Variants in USP29 observed in about 807,000 individuals in gnomAD.
USP29 encodes the protein ubiquitin specific peptidase 29.
For missense variants in USP29, 1,102 were observed against 1,069.0 expected, an observed-to-expected ratio of 1.03 and a Z score of -0.43; for synonymous variants, 386 against 387.4, an observed-to-expected ratio of 1.00 and a Z score of 0.04.
chr19:57,130,837 A>G lies in USP29; in HGVS notation c.2162A>G (p.Asn721Ser), dbSNP rs138717497. The G allele has an allele frequency of 2.0e-5, 32 of 1,614,220 alleles. No homozygotes were observed. The African/African-American group carries it at 2.1e-4, about 11-fold the overall frequency. ...AATGGCTTTTATGACTGTAAAGAAA[A>G]CAGGATTCCAGAAGGATCTCAAGGA... ...STNGFYDCKENRIPEGSQGMA... is the reference protein window; with the variant it reads ...STNGFYDCKESRIPEGSQGMA... The change falls in exon 4 of 4, where the codon AAC becomes AGC. Residue 721 changes from asparagine to serine, a missense_variant. Coordinates refer to ENST00000254181, the MANE Select transcript of USP29 (RefSeq NM_020903.3).
rs149510950 is a variant in USP29, at chr19:57,120,394, G to A, written c.-268+165G>A. On this transcript the variant is annotated intron_variant, in intron 1 of 3. Coordinates refer to ENST00000254181, the MANE Select transcript of USP29 (RefSeq NM_020903.3). The stretch of plus-strand genomic sequence containing the variant: ...GATAGTCAGGAGGCAGAGGTTGGAG[G>A]ATGACTTGAGCCTTGGGGATCGAGG... The A allele has an allele frequency of 5.9e-3, 899 of 152,480 alleles. 5 individuals are homozygous for A. Among genetic ancestry groups the A allele is most frequent in the Middle Eastern group, 0.023 (7 of 298 alleles). The allele number at this position is 152,480 out of a possible 1,614,324, so 9.4% of individuals were successfully genotyped here. A position where few individuals can be genotyped will look rare whatever the true frequency, so the allele number is the denominator to read the frequency against.
Position 57,130,162 on chromosome 19 carries a change from C to T in USP29, c.1487C>T (p.Ala496Val), listed in dbSNP as rs761842135. 3.7e-6 allele frequency: 6 copies of T among 1,614,044 alleles called. No homozygotes were observed. The highest frequency in any genetic ancestry group is 5.1e-6 in the Non-Finnish European group (6 of 1,180,014). The change falls in exon 4 of 4, where the codon GCA (alanine) becomes GTA (valine). Residue 496 changes from alanine (A) to valine (V), a missense_variant. Ala to Val is a moderately conservative substitution (Grantham distance 64). Transcript: ENST00000254181. Reference sequence around the variant, plus strand: ...ATGTGTAAGCAGAAGAGTTGTGTTGCAAGGCATACATTTAGTAGGCTCTCC... The same window carrying T: ...ATGTGTAAGCAGAAGAGTTGTGTTGTAAGGCATACATTTAGTAGGCTCTCC... Reference protein sequence around the residue: ...CQMCKQKSCVARHTFSRLSRV... With the variant: ...CQMCKQKSCVVRHTFSRLSRV...
At chr19:57,121,339 TAC>T (rs2086794770) in intron 1 of USP29, among the ~76,000 whole-genome samples, 1 of 146,526 alleles carries the variant, frequency 6.8e-6, no homozygotes, top group Non-Finnish European at 1.5e-5. Flanking sequence ...ATATTATATA[TAC>T]TTATATATGT....
intron 3 of USP29, 164 bp from the exon 4 acceptor site, chr19:57,128,496 G>A: frequency 1.5e-6 from 1 of 669,400 alleles, no homozygotes; most frequent in Non-Finnish European, 2.2e-6. Context: ...TATGTCTTCT[G>A]GAGAACTGGC....
rs752828698 is a variant in USP29 at position 57,130,695 on chromosome 19, GAC to G, written c.2024_2025del (p.Thr675LysfsTer20). 2.0e-5 allele frequency: 33 copies of G among 1,614,192 alleles called. No individual in the cohort carries two copies. The Admixed American group carries it at 5.5e-4, about 27-fold the overall frequency. The stretch of plus-strand genomic sequence containing the variant: ...TGGAGGGAAGCTGATCAGCAGCCCA[GAC>G]ACAAGGCTTGTCGAGGTTCATCTTC... Reference protein sequence around the residue: ...EDGGKLISSPDTRLVEVHLQE... With the variant: ...EDGGKLISSPXTRLVEVHLQE... On this transcript the variant is annotated frameshift_variant, in exon 4 of 4. Coordinates refer to ENST00000254181, the MANE Select transcript of USP29 (RefSeq NM_020903.3). LOFTEE classifies it low-confidence loss of function (END_TRUNC).
At position 57,129,307 on chromosome 19, in the gene USP29, C is replaced by A. The variant is rs753363652; in HGVS notation, c.632C>A (p.Ser211Ter). 6.2e-7 allele frequency: 1 copy of A among 1,614,142 alleles called. No individual in the cohort carries two copies. Among genetic ancestry groups the A allele is most frequent in the South Asian group, 1.1e-5 (1 of 91,074 alleles). The stretch of plus-strand genomic sequence containing the variant: ...ATACAAAGCAATAGGAAGAACCCAT[C>A]AAGTTTAGAGGATTTAGAAAAAGAT... ...KYIQSNRKNP[S>*]SLEDLEKDRD... is the part of the protein sequence containing the mutation. Residue 211 changes from serine (S) to a stop codon, truncating the protein, a stop_gained, in exon 4 of 4, where the codon TCA becomes TAA. Coordinates refer to ENST00000254181, the MANE Select transcript of USP29 (RefSeq NM_020903.3). LOFTEE classifies it low-confidence loss of function (END_TRUNC).
In USP29 at chr19:57,124,032, T is replaced by A. The variant is rs2086810606; in HGVS notation, c.-117-7T>A. The A allele has an allele frequency of 6.6e-6, 1 of 152,232 alleles. No individual in the cohort carries two copies. Among genetic ancestry groups the A allele is most frequent in the Admixed American group, 6.5e-5 (1 of 15,276 alleles). The allele number at this position is 152,232 out of a possible 1,614,324, so 9.4% of individuals were successfully genotyped here. A position where few individuals can be genotyped will look rare whatever the true frequency, so the allele number is the denominator to read the frequency against. On this transcript the variant is annotated splice_region_variant and splice_polypyrimidine_tract_variant and intron_variant, in intron 2 of 3. Coordinates refer to ENST00000254181, the MANE Select transcript of USP29 (RefSeq NM_020903.3). ...TTCAGGACTCTGACCTTTTTGTTTC[T>A]TCCTAGTAACAGCCGTGGCAGTCAG... is the stretch of plus-strand genomic sequence containing the variant.
Position 57,129,146 on chromosome 19 carries a change from GA to G in USP29, c.476del (p.Lys159ArgfsTer4), listed in dbSNP as rs781111960. On this transcript the variant is annotated frameshift_variant, in exon 4 of 4. Transcript: ENST00000254181. LOFTEE classifies it low-confidence loss of function (END_TRUNC). The part of the protein sequence containing the change: ...LFMSKSPTHV[K>X]KGILENQGGK... ...TTATGTCAAAATCACCAACACATGTGAAAAAGGGGATATTAGAAAATCAAGG... is the reference window on the plus strand; with the variant it reads ...TTATGTCAAAATCACCAACACATGTGAAAAGGGGATATTAGAAAATCAAGG... 4 of 1,612,702 alleles carry G rather than the reference GA, an allele frequency of 2.5e-6. No homozygotes were observed. The East Asian group carries it at 8.9e-5, about 36-fold the overall frequency.
intron 1 of USP29, among the ~76,000 whole-genome samples, chr19:57,120,474 C>A (rs1020350039): frequency 2.1e-5 from 3 of 140,800 alleles, no homozygotes; most frequent in Admixed American, 2.1e-4. Flanking sequence ...CAGAGCAAGA[C>A]CCTGTCTCAA....
At position 57,130,269 on chromosome 19, in the gene USP29, C is replaced by T. The variant is rs1466251128; in HGVS notation, c.1594C>T (p.Pro532Ser). Residue 532 changes from proline to serine, a missense_variant, in exon 4 of 4, where the codon CCC (proline) becomes TCC (serine). Coordinates refer to ENST00000254181, the MANE Select transcript of USP29 (RefSeq NM_020903.3). ...GAAGAATAACGAGCAAGTTTATATT[C>T]CCAAATCTTTAAGTTTATCTTCTTA... Reference protein sequence around the residue: ...LVKNNEQVYIPKSLSLSSYCN... With the variant: ...LVKNNEQVYISKSLSLSSYCN... 1.2e-6 allele frequency: 2 copies of T among 1,614,050 alleles called. No individual in the cohort carries two copies. The highest frequency in any genetic ancestry group is 1.7e-5 in the Admixed American group (1 of 60,002).
In USP29 at chr19:57,129,403, T is replaced by G. The variant is rs753306216; in HGVS notation, c.728T>G (p.Leu243Arg). The change falls in exon 4 of 4, where the codon CTT becomes CGT. Residue 243 changes from leucine to arginine, a missense_variant. Coordinates refer to ENST00000254181, the MANE Select transcript of USP29 (RefSeq NM_020903.3). ...NGNPNLDETV[L>R]ATQTLNAKNG... ...AATCCTAACCTAGATGAGACTGTTC[T>G]TGCAACCCAGACTCTCAATGCCAAA... 3.1e-6 allele frequency: 5 copies of G among 1,614,192 alleles called. No individual in the cohort carries two copies. In the East Asian group the frequency reaches 1.1e-4, roughly 36 times the overall value.
intron 3 of USP29, among the ~76,000 whole-genome samples, chr19:57,125,604 T>C (rs12610100): frequency 0.072 from 10,604 of 148,216 alleles, 857 homozygotes; most frequent in East Asian, 0.36. Context: ...TTTTTTGCTT[T>C]CCATTTGCTT....
Position 57,131,515 on chromosome 19 carries a change from T to G in USP29, c.*71T>G. Reference sequence around the variant, plus strand: ...CTTCATCCTTGCAAAGAGAATCCTGTACTTCACTCAGAATGAAGGAACAAG... The same window carrying G: ...CTTCATCCTTGCAAAGAGAATCCTGGACTTCACTCAGAATGAAGGAACAAG... On this transcript the variant is annotated 3_prime_UTR_variant, in exon 4 of 4. Coordinates refer to ENST00000254181, the MANE Select transcript of USP29 (RefSeq NM_020903.3). 1 of 1,509,294 alleles carries G rather than the reference T, an allele frequency of 6.6e-7. No individual in the cohort carries two copies. Among genetic ancestry groups the G allele is most frequent in the Non-Finnish European group, 8.8e-7 (1 of 1,131,406 alleles). 93.5% of individuals were successfully genotyped at this position (1,509,294 alleles called of 1,614,324 possible).
In USP29 at chr19:57,131,561, A is replaced by G. The variant is rs1046777237; in HGVS notation, c.*117A>G. 4.8e-6 allele frequency: 7 copies of G among 1,448,338 alleles called. No individual in the cohort carries two copies. The highest frequency in any genetic ancestry group is 6.4e-6 in the Non-Finnish European group (7 of 1,086,572). 89.7% of individuals were successfully genotyped at this position (1,448,338 alleles called of 1,614,324 possible). On this transcript the variant is annotated 3_prime_UTR_variant, in exon 4 of 4. Transcript: ENST00000254181. ...ACAAGTATCTCAGGATGAAATCTCA[A>G]TGAAAAACACTTATTTTGGGGGAAT... is the stretch of plus-strand genomic sequence containing the variant.
At chr19:57,120,788 CAAAAA>C (rs71293954) in intron 1 of USP29, among the ~76,000 whole-genome samples, 714 of 31,104 alleles carry the variant, frequency 0.023, 8 homozygotes, top group African/African-American at 0.066. Context: ...GACTCCGTCT[CAAAAA>C]AAAAAAAAAA....
rs1323067547 is a variant in USP29, at chr19:57,129,458, G to A, written c.783G>A (p.Glu261=). ...GTTTGACATCTCCATTGGAACCAGA[G>A]CACAGCCAGGGTGACCCAAGATGCA... ...KNGLTSPLEP[E]HSQGDPRCNK... The change falls in exon 4 of 4, where the codon GAG becomes GAA. Residue 261 remains glutamate, a synonymous_variant. Coordinates refer to ENST00000254181, the MANE Select transcript of USP29 (RefSeq NM_020903.3). 1 of 1,614,204 alleles carries A rather than the reference G, an allele frequency of 6.2e-7. No homozygotes were observed. The highest frequency in any genetic ancestry group is 2.2e-5 in the East Asian group (1 of 44,880).
In USP29 at chr19:57,129,106, A is replaced by G; in HGVS notation, c.431A>G (p.Gln144Arg). Residue 144 changes from glutamine to arginine, a missense_variant, in exon 4 of 4, where the codon CAG (glutamine) becomes CGG (arginine). Gln to Arg is a conservative substitution (Grantham distance 43). Transcript: ENST00000254181. ...AGCATTTGTAACAAGCCAAGTTATCAGAAGATGCCTTTGTTTATGTCAAAA... is the reference window on the plus strand; with the variant it reads ...AGCATTTGTAACAAGCCAAGTTATCGGAAGATGCCTTTGTTTATGTCAAAA... ...FYSICNKPSYQKMPLFMSKSP... is the reference protein window; with the variant it reads ...FYSICNKPSYRKMPLFMSKSP... The G allele has an allele frequency of 6.2e-7, 1 of 1,612,326 alleles. No individual in the cohort carries two copies. Among genetic ancestry groups the G allele is most frequent in the Non-Finnish European group, 8.5e-7 (1 of 1,179,236 alleles).
intron 2 of USP29, among the ~76,000 whole-genome samples, chr19:57,123,164 TA>T (rs1255042429): frequency 6.6e-6 from 1 of 152,226 alleles, no homozygotes; most frequent in Non-Finnish European, 1.5e-5. Context: ...AATGTATTAA[TA>T]ATGCATTTGG....
intron 3 of USP29, among the ~76,000 whole-genome samples, chr19:57,124,476 TTG>T (rs1400968212): frequency 6.8e-5 from 9 of 132,352 alleles, no homozygotes; most frequent in East Asian, 2.6e-4. Context: ...GGTTTTTTTT[TTG>T]GTTTTCTTTT....
Sources: allele counts gnomAD v4.1 joint callset (sites outside exome capture counted in the v4.1 genomes callset), GRCh38; gene constraint gnomAD v4.1.1; transcripts MANE v1.5; gene names NCBI Gene and HGNC (gene_info 2026-07-23, HGNC 2026-07-21).